NRG1: variants seen among roughly 807,000 people sequenced by gnomAD.
NRG1 encodes the protein neuregulin 1, also known as pro-neuregulin-1, membrane-bound isoform.
In NRG1, 18 loss-of-function variants were observed where a neutral mutation model predicts 63.8. The ratio of observed to expected loss-of-function variants is 0.28; its 90% CI spans 0.19 to 0.42. The LOEUF is 0.42. Ranked by LOEUF, NRG1 falls within the 10% of genes least tolerant of loss-of-function variation. The pLI is 1.00. For missense variants in NRG1, 762 were observed against 814.7 expected (o/e 0.94, Z 0.79); for synonymous variants, 302 against 301.3 (o/e 1.00, Z -0.02).
chr8:31,903,846 T>C (rs1260493319), intron 1 of NRG1, among the ~76,000 whole-genome samples: 3 of 151,912 alleles, frequency 2.0e-5, no homozygotes, highest in Non-Finnish European at 4.4e-5. Context: ...TCCCAGCTAC[T>C]TGGGAGGCTG....
chr8:32,538,126 A>G (rs1444369486), intron 1 of NRG1, among the ~76,000 whole-genome samples: 1 of 152,136 alleles, frequency 6.6e-6, no homozygotes, highest in Non-Finnish European at 1.5e-5. Context: ...TGCTGGGATT[A>G]CAGGTGTGAG....
Position 31,833,329 on chromosome 8 carries a change from C to T in NRG1, c.37+193898C>T, listed in dbSNP as rs571728875. ...GTTCCCAGACCATTTGCCAAATGTC[C>T]TATCCTTGTTCAGCTTTGGTTATTA... is the stretch of plus-strand genomic sequence containing the variant. On this transcript the variant is annotated intron_variant, in intron 1 of 10. Transcript: ENST00000519301. Among the ~76,000 whole-genome samples, 3 of 152,280 alleles carry T rather than the reference C, an allele frequency of 2.0e-5. No homozygotes were observed. In the Middle Eastern group the frequency reaches 0.01, roughly 518 times the overall value.
chr8:31,777,590 C>T (rs921649255), intron 1 of NRG1, among the ~76,000 whole-genome samples: 2 of 152,144 alleles, frequency 1.3e-5, no homozygotes, highest in Admixed American at 1.3e-4. Context: ...TAAAGGAATA[C>T]CTGAAGCTGG....
At chr8:32,319,856 C>T (rs1387311909) in intron 1 of NRG1, among the ~76,000 whole-genome samples, 1 of 152,044 alleles carries the variant, frequency 6.6e-6, no homozygotes, top group African/African-American at 2.4e-5. Flanking sequence ...AGGTTTTCTG[C>T]ATATAATATG....
chr8:31,822,465 A>G (rs755848779), intron 1 of NRG1, among the ~76,000 whole-genome samples: 17 of 152,306 alleles, frequency 1.1e-4, no homozygotes, highest in Non-Finnish European at 1.9e-4. Context: ...TCTGTTGATC[A>G]AAATGAGGCA....
chr8:31,693,190 C>CT (rs1329427201), intron 1 of NRG1, among the ~76,000 whole-genome samples: 2 of 152,112 alleles, frequency 1.3e-5, no homozygotes, highest in African/African-American at 4.8e-5. Context: ...AAAGGGATTC[C>CT]AAAGCTCTTG....
chr8:31,717,986 T>C (rs1812528047), intron 1 of NRG1, among the ~76,000 whole-genome samples: 1 of 152,006 alleles, frequency 6.6e-6, no homozygotes, highest in Non-Finnish European at 1.5e-5. Context: ...GACATAATTC[T>C]ATATTCTAGT....
chr8:32,071,748 G>T (rs1302873010), intron 1 of NRG1, among the ~76,000 whole-genome samples: 1 of 152,158 alleles, frequency 6.6e-6, no homozygotes, highest in South Asian at 2.1e-4. Flanking sequence ...CATAAATGGA[G>T]TGGTTGAGCC....
intron 1 of NRG1, among the ~76,000 whole-genome samples, chr8:32,054,292 G>A (rs1415048119): frequency 6.6e-6 from 1 of 152,158 alleles, no homozygotes; most frequent in African/African-American, 2.4e-5. Flanking sequence ...AGCACATCAC[G>A]TGACTCTGAG....
At chr8:31,812,472 T>G (rs146358645) in intron 1 of NRG1, among the ~76,000 whole-genome samples, 1 of 152,280 alleles carries the variant, frequency 6.6e-6, no homozygotes, top group Non-Finnish European at 1.5e-5. Context: ...AATGGTTACT[T>G]TATGATTTGA....
At chr8:31,660,343 C>T (rs1805862074) in intron 1 of NRG1, among the ~76,000 whole-genome samples, 1 of 152,164 alleles carries the variant, frequency 6.6e-6, no homozygotes. Flanking sequence ...GGTGTTTAGA[C>T]AAAGGAGAAG....
intron 1 of NRG1, among the ~76,000 whole-genome samples, chr8:32,503,554 T>C (rs914508494): frequency 1.3e-5 from 2 of 152,166 alleles, no homozygotes; most frequent in Non-Finnish European, 2.9e-5. Context: ...TCTATAAGTT[T>C]AATAGCCTTA....
At chr8:32,202,891 C>T (rs1320050795) in intron 1 of NRG1, among the ~76,000 whole-genome samples, 3 of 151,440 alleles carry the variant, frequency 2.0e-5, no homozygotes, top group Non-Finnish European at 2.9e-5. Flanking sequence ...CAAAAGGCAA[C>T]ATTTGGGTGC....
intron 1 of NRG1, among the ~76,000 whole-genome samples, chr8:31,717,273 G>A (rs1266092231): frequency 1.3e-5 from 2 of 151,888 alleles, no homozygotes; most frequent in Non-Finnish European, 2.9e-5. Flanking sequence ...TGAGTGTGAT[G>A]GTGCACACCT....
intron 1 of NRG1, among the ~76,000 whole-genome samples, chr8:32,104,751 G>A (rs868484358): frequency 6.6e-6 from 1 of 151,964 alleles, no homozygotes. Context: ...CCCACACAGG[G>A]TCAGGATTGT....
At chr8:32,248,895 T>C (rs907595633) in intron 1 of NRG1, among the ~76,000 whole-genome samples, 3 of 152,074 alleles carry the variant, frequency 2.0e-5, no homozygotes, top group African/African-American at 7.2e-5. Context: ...ATAATTATTG[T>C]TAAATATTGT....
At chr8:32,654,566 T>C (rs142172927) in intron 5 of NRG1, among the ~76,000 whole-genome samples, 1 of 136,664 alleles carries the variant, frequency 7.3e-6, no homozygotes, top group East Asian at 2.2e-4. Flanking sequence ...GAGGCGGAGG[T>C]TGCAGTGAGC....
At chr8:32,155,728 C>T (rs1490221922) in intron 1 of NRG1, among the ~76,000 whole-genome samples, 1 of 152,180 alleles carries the variant, frequency 6.6e-6, no homozygotes, top group African/African-American at 2.4e-5. Flanking sequence ...ATATCTCTTC[C>T]TCTCATTGAA....
At chr8:32,659,295 A>G (rs909086830) in intron 5 of NRG1, among the ~76,000 whole-genome samples, 8 of 151,982 alleles carry the variant, frequency 5.3e-5, no homozygotes, top group African/African-American at 1.9e-4. Flanking sequence ...GGCATGCACT[A>G]TCATGCCTGG....
Sources: gnomAD v4.1 joint callset for allele counts (sites outside exome capture counted in the v4.1 genomes callset) on GRCh38, gnomAD v4.1.1 for gene constraint, MANE v1.5 for transcripts, NCBI Gene and HGNC (gene_info 2026-07-23, HGNC 2026-07-21) for gene names.